COG5: variants seen among roughly 807,000 people sequenced by gnomAD.
The protein encoded by COG5 is component of oligomeric golgi complex 5, also known as conserved oligomeric Golgi complex subunit 5.
COG5 carries 86 observed loss-of-function variants against 110.4 expected under a neutral mutation model. The ratio of observed to expected loss-of-function variants is 0.78; its 90% CI spans 0.65 to 0.93. The LOEUF (loss-of-function observed/expected upper bound fraction) is 0.93, where lower values mean the gene tolerates loss of function less well. COG5 is among the 40% of genes least tolerant of loss of function. The pLI is 0.00. For synonymous variants in COG5, 360 were observed against 334.6 expected, an observed-to-expected ratio of 1.08 and a Z score of -0.83; for missense variants, 1,077 against 987.0, an observed-to-expected ratio of 1.09 and a Z score of -1.22.
chr7:107,203,658 A>G (rs751523967), intron 21 of COG5, 28 bp from the exon 22 acceptor site: 2 of 1,361,874 alleles, frequency 1.5e-6, no homozygotes, highest in African/African-American at 1.4e-5. Context: ...AACAATGTCA[A>G]AATATTAGAT....
intron 14 of COG5, among the ~76,000 whole-genome samples, chr7:107,279,285 A>G (rs1804970300): frequency 6.6e-6 from 1 of 152,158 alleles, no homozygotes. Flanking sequence ...AAGTCAGGAA[A>G]CAACAGATTC....
chr7:107,439,253 T>C (rs1312855669), intron 6 of COG5, among the ~76,000 whole-genome samples: 2 of 151,648 alleles, frequency 1.3e-5, no homozygotes, highest in African/African-American at 2.4e-5. Flanking sequence ...GATATAACTA[T>C]GATGCAATTC....
intron 21 of COG5, chr7:107,208,231 C>T (rs1798913403): frequency 1.0e-6 from 1 of 985,352 alleles, no homozygotes. Flanking sequence ...TGGAATCAGC[C>T]ATGTGTGGAG....
intron 6 of COG5, among the ~76,000 whole-genome samples, chr7:107,428,112 G>T (rs1483673215): frequency 6.6e-6 from 1 of 152,072 alleles, no homozygotes; most frequent in African/African-American, 2.4e-5. Context: ...TGAAAGGTGG[G>T]GATCAATAAG....
intron 6 of COG5, among the ~76,000 whole-genome samples, chr7:107,423,503 G>GA (rs777300569): frequency 1.3e-5 from 2 of 151,922 alleles, no homozygotes; most frequent in East Asian, 3.9e-4. Flanking sequence ...CATTATCACT[G>GA]AAAAAAGAAA....
intron 6 of COG5, among the ~76,000 whole-genome samples, chr7:107,513,181 G>A (rs962316428): frequency 6.6e-6 from 1 of 152,046 alleles, no homozygotes; most frequent in African/African-American, 2.4e-5. Flanking sequence ...AATCTACAAT[G>A]AACTCAAACA....
At chr7:107,323,975 G>A (rs1809535827) in intron 11 of COG5, among the ~76,000 whole-genome samples, 1 of 152,090 alleles carries the variant, frequency 6.6e-6, no homozygotes, top group South Asian at 2.1e-4. Context: ...GAACATATTT[G>A]AATGACCAAC....
At position 107,236,602 on chromosome 7, in the gene COG5, C is replaced by A; in HGVS notation, c.1939G>T (p.Asp647Tyr). ...LQGFIARVMSDYFKHFECLDF... is the reference protein window; with the variant it reads ...LQGFIARVMSYYFKHFECLDF... The stretch of plus-strand genomic sequence containing the variant: ...AAGCATTCAAAGTGTTTAAAATAGT[C>A]ACTCATAACTCTGGCAATGAAACCT... The change falls in exon 18 of 22, where the codon GAC becomes TAC. Residue 647 changes from aspartate to tyrosine, a missense_variant. Physicochemically the swap from Asp to Tyr is radical, Grantham distance 160. Coordinates refer to ENST00000297135, the MANE Select transcript of COG5 (RefSeq NM_006348.5). The A allele has an allele frequency of 5.6e-6, 9 of 1,614,076 alleles. No individual in the cohort carries two copies. The highest frequency in any genetic ancestry group is 7.6e-6 in the Non-Finnish European group (9 of 1,179,990).
intron 8 of COG5, 108 bp downstream of exon 8, chr7:107,372,486 TA>T: frequency 9.5e-7 from 1 of 1,050,180 alleles, no homozygotes; most frequent in Non-Finnish European, 1.4e-6. Flanking sequence ...TTCTGTCTAC[TA>T]AAAAATGAGT....
chr7:107,379,617 C>T (rs371554373), intron 7 of COG5, among the ~76,000 whole-genome samples: 5 of 140,070 alleles, frequency 3.6e-5, no homozygotes, highest in South Asian at 2.2e-4. Context: ...AAAAAAAAAG[C>T]GGGGGTTGCA....
chr7:107,374,449 AG>A (rs1814457197), intron 7 of COG5, among the ~76,000 whole-genome samples: 1 of 152,118 alleles, frequency 6.6e-6, no homozygotes, highest in South Asian at 2.1e-4. Flanking sequence ...GGATCTGAAA[AG>A]CATAGCTTCT....
intron 19 of COG5, among the ~76,000 whole-genome samples, chr7:107,216,093 G>T (rs1055143256): frequency 1.3e-5 from 2 of 152,020 alleles, no homozygotes; most frequent in African/African-American, 4.8e-5. Context: ...AACTGAGAGA[G>T]GCAGGACTAG....
chr7:107,389,423 T>C (rs961622252), intron 7 of COG5, among the ~76,000 whole-genome samples: 1 of 152,216 alleles, frequency 6.6e-6, no homozygotes. Context: ...TTACTGTGTA[T>C]CTCTGCCCAA....
chr7:107,456,323 A>C lies in COG5; in HGVS notation c.539-43691T>G, dbSNP rs550663177. On this transcript the variant is annotated intron_variant, in intron 6 of 21. Coordinates refer to ENST00000297135, the MANE Select transcript of COG5 (RefSeq NM_006348.5). ...CAATTAAGTTGTAAAAACAGATTTA[A>C]AACTTCTACTTCCAACCTAACAGAA... Among the ~76,000 whole-genome samples the C allele has an allele frequency of 6.6e-5, 10 of 152,336 alleles. No homozygotes were observed. In the East Asian group the frequency reaches 1.5e-3, roughly 24 times the overall value.
chr7:107,412,734 C>T (rs1792402020), intron 6 of COG5, 102 bp from the exon 7 acceptor site: 1 of 747,724 alleles, frequency 1.3e-6, no homozygotes, highest in Non-Finnish European at 2.1e-6. Context: ...ACAAAAAACG[C>T]TATTAAACAG....
chr7:107,410,870 A>G (rs1301202831), intron 7 of COG5, among the ~76,000 whole-genome samples: 1 of 150,820 alleles, frequency 6.6e-6, no homozygotes, highest in African/African-American at 2.5e-5. Context: ...AAATGATACT[A>G]ATGACAATAT....
At chr7:107,389,692 C>G (rs1790473928) in intron 7 of COG5, among the ~76,000 whole-genome samples, 1 of 152,116 alleles carries the variant, frequency 6.6e-6, no homozygotes, top group Non-Finnish European at 1.5e-5. Flanking sequence ...TACTAATGTC[C>G]TCACCTGTCA....
rs1421602205 is a variant in COG5 at position 107,412,563 on chromosome 7, C to T, written c.608G>A (p.Arg203Lys). The T allele has an allele frequency of 6.2e-7, 1 of 1,611,546 alleles. No homozygotes were observed. Among genetic ancestry groups the T allele is most frequent in the Non-Finnish European group, 8.5e-7 (1 of 1,178,400 alleles). The stretch of plus-strand genomic sequence containing the variant: ...TTGATTTTCCACTTCAAGTCGGGCT[C>T]TTGCAATAAAAAGTAGATCATTTTC... ...VIENDLLFIA[R>K]ARLEVENQAK... The change falls in exon 7 of 22, where the codon AGA (arginine) becomes AAA (lysine). Residue 203 changes from arginine to lysine, a missense_variant. Coordinates refer to ENST00000297135, the MANE Select transcript of COG5 (RefSeq NM_006348.5).
chr7:107,347,869 G>T (rs1811764837), intron 10 of COG5, among the ~76,000 whole-genome samples: 1 of 152,132 alleles, frequency 6.6e-6, no homozygotes, highest in African/African-American at 2.4e-5. Context: ...GCTCATGCCT[G>T]CAATCCCAGG....
Sources: allele counts gnomAD v4.1 joint callset (sites outside exome capture counted in the v4.1 genomes callset), GRCh38; gene constraint gnomAD v4.1.1; transcripts MANE v1.5; gene names NCBI Gene and HGNC (gene_info 2026-07-23, HGNC 2026-07-21).